BRI3: variants seen among roughly 807,000 people sequenced by gnomAD.
BRI3 encodes the protein brain protein I3.
A neutral mutation model predicts 12.8 loss-of-function variants in BRI3; 6 were observed. That is an observed-to-expected ratio of 0.47 (90% CI 0.26 to 0.93). The LOEUF (loss-of-function observed/expected upper bound fraction) is 0.93. Ranked by LOEUF, BRI3 falls within the 40% of genes least tolerant of loss-of-function variation. BRI3 has a pLI of 0.15. For missense variants in BRI3, 134 were observed against 171.1 expected (o/e 0.78, Z 1.21); for synonymous variants, 91 against 76.1 (o/e 1.20, Z -1.02).
chr7:98,285,911 G>T (rs1019899104), intron 2 of BRI3, among the ~76,000 whole-genome samples: 1 of 152,160 alleles, frequency 6.6e-6, no homozygotes, highest in African/African-American at 2.4e-5. Context: ...AGGAAGCCCT[G>T]CGTCTCCCCT....
chr7:98,301,755 G>A (rs1213742934), upstream of BRI3, among the ~76,000 whole-genome samples: 2 of 152,162 alleles, frequency 1.3e-5, no homozygotes, highest in African/African-American at 2.4e-5. Context: ...GGTGCGGCCT[G>A]TGGAGGCAGC....
chr7:98,315,640 T>TAATAAC, the BRI3 span: 1 of 1,082,064 alleles, frequency 9.2e-7, no homozygotes, highest in Non-Finnish European at 1.2e-6. Flanking sequence ...ATAATAATAA[T>TAATAAC]AATTATATAA....
intron 2 of BRI3, among the ~76,000 whole-genome samples, chr7:98,286,893 A>G (rs1799726335): frequency 6.6e-6 from 1 of 152,252 alleles, no homozygotes; most frequent in Non-Finnish European, 1.5e-5. Flanking sequence ...CTGTCAAGTG[A>G]CAGCGAGTTC....
At chr7:98,287,278 A>G (rs767972638) in intron 2 of BRI3, among the ~76,000 whole-genome samples, 1 of 152,122 alleles carries the variant, frequency 6.6e-6, no homozygotes, top group Non-Finnish European at 1.5e-5. Flanking sequence ...GTGGGGGTTG[A>G]ATGGACCAGG....
chr7:98,316,167 C>T, the BRI3 span, among the ~76,000 whole-genome samples: 1 of 152,188 alleles, frequency 6.6e-6, no homozygotes, highest in East Asian at 1.9e-4. Context: ...ACAAGCTCTC[C>T]TTTGCCTGCT....
At position 98,283,306 on chromosome 7, in the gene BRI3, G is replaced by A. The variant is rs1166444690; in HGVS notation, c.245+853G>A. Among the ~76,000 whole-genome samples the A allele has an allele frequency of 2.0e-5, 3 of 152,132 alleles. No individual in the cohort carries two copies. In the East Asian group the frequency reaches 5.8e-4, roughly 29 times the overall value. On this transcript the variant is annotated intron_variant, in intron 2 of 2. Coordinates refer to ENST00000297290, the MANE Select transcript of BRI3 (RefSeq NM_015379.5). ...CTTAGACTTGATTTCAAAAGTGTGTGTGTAAGGCCTAGAGTGGAGTCACGG... is the reference window on the plus strand; with the variant it reads ...CTTAGACTTGATTTCAAAAGTGTGTATGTAAGGCCTAGAGTGGAGTCACGG...
intron 2 of BRI3, among the ~76,000 whole-genome samples, 170 bp from the exon 3 acceptor site, chr7:98,290,941 A>G (rs1799917384): frequency 6.6e-6 from 1 of 150,458 alleles, no homozygotes; most frequent in South Asian, 2.2e-4. Context: ...TCTCCAGGCC[A>G]GTGGGCTGTA....
At position 98,281,930 on chromosome 7, in the gene BRI3, C is replaced by A; in HGVS notation, c.135C>A (p.Leu45=). 1 of 1,313,834 alleles carries A rather than the reference C, an allele frequency of 7.6e-7. No homozygotes were observed. Among genetic ancestry groups the A allele is most frequent in the Non-Finnish European group, 9.7e-7 (1 of 1,033,720 alleles). 81.4% of individuals were successfully genotyped at this position (1,313,834 alleles called of 1,614,324 possible). A position where few individuals can be genotyped will look rare whatever the true frequency, so the allele number is the denominator to read the frequency against. Residue 45 remains leucine, a synonymous_variant, in exon 1 of 3, where the codon CTC becomes CTA. Coordinates refer to ENST00000297290, the MANE Select transcript of BRI3 (RefSeq NM_015379.5). ...AAPPPPPYPY[L]VTGIPTHHPR... ...CCCCGCCGCCGCCCTACCCCTACCT[C>A]GTCACAGGTGGGCCCGTAACCAACT... is the stretch of plus-strand genomic sequence containing the variant.
At chr7:98,311,369 C>T (rs372662630), downstream of BRI3, among the ~76,000 whole-genome samples, 3 of 151,338 alleles carry the variant, frequency 2.0e-5, no homozygotes, top group Non-Finnish European at 2.9e-5. Flanking sequence ...TGGTGAAACC[C>T]GGTTTCCACT....
At chr7:98,290,797 T>C (rs1424279925) in intron 2 of BRI3, among the ~76,000 whole-genome samples, 1 of 152,266 alleles carries the variant, frequency 6.6e-6, no homozygotes, top group African/African-American at 2.4e-5. Flanking sequence ...CCACACACCC[T>C]GCCTTGCCTT....
In BRI3 at chr7:98,291,490, AAAT is replaced by A. The variant is rs1799953583; in HGVS notation, c.*251_*253del. 5 of 1,327,470 alleles carry A rather than the reference AAAT, an allele frequency of 3.8e-6. No individual in the cohort carries two copies. The highest frequency in any genetic ancestry group is 1.5e-5 in the African/African-American group (1 of 67,232). The allele number at this position is 1,327,470 out of a possible 1,614,324, so 82.2% of individuals were successfully genotyped here. A position where few individuals can be genotyped will look rare whatever the true frequency, so the allele number is the denominator to read the frequency against. On this transcript the variant is annotated 3_prime_UTR_variant, in exon 3 of 3. Transcript: ENST00000297290. ...CAGTCTTCAATTTGAGAAAGGTGAG[AAAT>A]AATGTTTTCAATAAATGAGATTCAT...
upstream of BRI3, among the ~76,000 whole-genome samples, chr7:98,303,607 GGA>G (rs966118193): frequency 2.2e-4 from 33 of 152,306 alleles, no homozygotes; most frequent in African/African-American, 7.2e-4. Flanking sequence ...TCCTCTAGCT[GGA>G]GAGCCCACAC....
At chr7:98,287,979 G>T (rs949160990) in intron 2 of BRI3, among the ~76,000 whole-genome samples, 6 of 152,232 alleles carry the variant, frequency 3.9e-5, no homozygotes, top group Non-Finnish European at 8.8e-5. Flanking sequence ...TGGTCCTGAG[G>T]TGAGGTGCTC....
exon 2 of BRI3, chr7:98,307,749 G>C (rs199901153): frequency 3.7e-6 from 6 of 1,614,102 alleles, no homozygotes; most frequent in Non-Finnish European, 5.1e-6. Flanking sequence ...GATGAGCAGC[G>C]TGATGACATC....
In BRI3 at chr7:98,291,163, A is replaced by C. The variant is rs755453031; in HGVS notation, c.298A>C (p.Ile100Leu). ...CTTCCTGGGCATCTTCCTGGCCATC[A>C]TCCTCTTCCCCTTTGGGTTCATTTG... is the stretch of plus-strand genomic sequence containing the variant. The part of the protein sequence containing the change: ...FTFLGIFLAI[I>L]LFPFGFICCF... The change falls in exon 3 of 3, where the codon ATC becomes CTC. Residue 100 changes from isoleucine (I) to leucine (L), a missense_variant. Ile to Leu is a conservative substitution (Grantham distance 5). Coordinates refer to ENST00000297290, the MANE Select transcript of BRI3 (RefSeq NM_015379.5). 9.3e-6 allele frequency: 15 copies of C among 1,614,022 alleles called. No individual in the cohort carries two copies. The highest frequency in any genetic ancestry group is 1.3e-5 in the Non-Finnish European group (15 of 1,179,924).
downstream of BRI3, chr7:98,310,557 T>C (rs1312834509): frequency 6.3e-7 from 1 of 1,592,434 alleles, no homozygotes; most frequent in Non-Finnish European, 8.5e-7. Context: ...GCATCTTTGG[T>C]GAGCATTTAG....
downstream of BRI3, among the ~76,000 whole-genome samples, chr7:98,313,103 C>T (rs1399971843): frequency 6.6e-6 from 1 of 150,980 alleles, no homozygotes; most frequent in East Asian, 2.0e-4. Context: ...GACCCCCTCA[C>T]ACCACCCCTG....
intron 2 of BRI3, among the ~76,000 whole-genome samples, chr7:98,288,864 T>G (rs1799799346): frequency 6.6e-6 from 1 of 152,014 alleles, no homozygotes; most frequent in South Asian, 2.1e-4. Flanking sequence ...AGTGCTGCAG[T>G]TGCAGGCGTG....
chr7:98,293,599 G>A (rs759284798), downstream of BRI3: 1 of 1,612,844 alleles, frequency 6.2e-7, no homozygotes, highest in Non-Finnish European at 8.5e-7. Flanking sequence ...TTTCTCCGCT[G>A]CAGGGGATAA....
Sources: allele counts gnomAD v4.1 joint callset (sites outside exome capture counted in the v4.1 genomes callset), GRCh38; gene constraint gnomAD v4.1.1; transcripts MANE v1.5; gene names NCBI Gene and HGNC (gene_info 2026-07-23, HGNC 2026-07-21).